LRMDA: variants seen among roughly 807,000 people sequenced by gnomAD.
LRMDA encodes the protein leucine-rich melanocyte differentiation-associated protein.
LRMDA carries 18 observed loss-of-function variants against 29.8 expected under a neutral mutation model. The ratio of observed to expected loss-of-function variants is 0.60; its 90% CI spans 0.42 to 0.90. LRMDA has a LOEUF of 0.90. Ranked by LOEUF, LRMDA falls within the 40% of genes least tolerant of loss-of-function variation. The probability of loss-of-function intolerance (pLI) is 0.00; values close to 1 mark genes in which losing one functional copy is unlikely to be tolerated. For synonymous variants in LRMDA, 125 were observed against 109.4 expected (o/e 1.14, Z -0.89); for missense variants, 273 against 273.9 (o/e 1.00, Z 0.02).
intron 6 of LRMDA, among the ~76,000 whole-genome samples, chr10:76,521,215 G>A (rs1192322426): frequency 6.7e-6 from 1 of 149,768 alleles, no homozygotes; most frequent in Non-Finnish European, 1.5e-5. Flanking sequence ...CTCACTGCAA[G>A]CTCCACCTCC....
intron 5 of LRMDA, among the ~76,000 whole-genome samples, chr10:76,173,114 C>A (rs1434811594): frequency 1.3e-5 from 2 of 151,878 alleles, no homozygotes; most frequent in African/African-American, 2.4e-5. Flanking sequence ...GTGAAAAATG[C>A]CATGTCTAGA....
At chr10:76,336,169 C>A (rs1056675710) in intron 6 of LRMDA, among the ~76,000 whole-genome samples, 1 of 151,410 alleles carries the variant, frequency 6.6e-6, no homozygotes, top group African/African-American at 2.4e-5. Context: ...TTGAGGTAGC[C>A]TGAAGGAAGT....
At chr10:75,720,060 G>C (rs1359969588) in intron 2 of LRMDA, among the ~76,000 whole-genome samples, 2 of 152,136 alleles carry the variant, frequency 1.3e-5, no homozygotes, top group African/African-American at 2.4e-5. Context: ...CAAACTTCTT[G>C]TGTTGTTTTC....
chr10:75,730,030 C>A (rs1348089882), intron 2 of LRMDA, among the ~76,000 whole-genome samples: 1 of 152,040 alleles, frequency 6.6e-6, no homozygotes, highest in Non-Finnish European at 1.5e-5. Context: ...GGATCCCCAA[C>A]CCCCACCTCC....
intron 6 of LRMDA, among the ~76,000 whole-genome samples, chr10:76,401,942 C>T (rs1310766536): frequency 6.6e-6 from 1 of 152,016 alleles, no homozygotes; most frequent in Non-Finnish European, 1.5e-5. Context: ...ACAGCTGTGG[C>T]AGCAGAGGTG....
intron 2 of LRMDA, among the ~76,000 whole-genome samples, chr10:75,697,208 A>G (rs556678652): frequency 1.2e-4 from 18 of 152,268 alleles, no homozygotes; most frequent in African/African-American, 3.8e-4. Flanking sequence ...GCCCCCTTTA[A>G]GAGTGTGAGG....
At chr10:75,562,379 G>C (rs9416070) in intron 2 of LRMDA, among the ~76,000 whole-genome samples, 90,613 of 151,218 alleles carry the variant, frequency 0.6, 30,729 homozygotes, top group East Asian at 0.85. Context: ...TTTTCCATTT[G>C]CTTGGTAGAT....
At chr10:75,703,071 A>G (rs1842327344) in intron 2 of LRMDA, among the ~76,000 whole-genome samples, 2 of 152,232 alleles carry the variant, frequency 1.3e-5, no homozygotes, top group Non-Finnish European at 2.9e-5. Context: ...ATGACAGATA[A>G]GCTCGGCTCT....
intron 2 of LRMDA, among the ~76,000 whole-genome samples, chr10:75,493,708 A>AC: frequency 6.6e-6 from 1 of 152,236 alleles, no homozygotes; most frequent in South Asian, 2.1e-4. Flanking sequence ...GTGTGGTGAG[A>AC]CATCCCCATG....
At chr10:75,467,051 A>G (rs531850736) in intron 2 of LRMDA, among the ~76,000 whole-genome samples, 2 of 152,252 alleles carry the variant, frequency 1.3e-5, no homozygotes, top group African/African-American at 4.8e-5. Context: ...ACTAACACCT[A>G]ATAGAGGAGA....
intron 2 of LRMDA, among the ~76,000 whole-genome samples, chr10:76,004,197 T>C (rs1847608170): frequency 6.6e-6 from 1 of 152,238 alleles, no homozygotes; most frequent in Non-Finnish European, 1.5e-5. Flanking sequence ...TTAAAATATA[T>C]AGGCATTTAC....
At chr10:75,737,843 C>T (rs1293708555) in intron 2 of LRMDA, among the ~76,000 whole-genome samples, 1 of 152,216 alleles carries the variant, frequency 6.6e-6, no homozygotes, top group Non-Finnish European at 1.5e-5. Flanking sequence ...CACTGCTGCA[C>T]TGGTGCCAAA....
chr10:76,472,655 G>A (rs1412680952), intron 6 of LRMDA, among the ~76,000 whole-genome samples: 1 of 151,584 alleles, frequency 6.6e-6, no homozygotes, highest in Admixed American at 6.6e-5. Flanking sequence ...TAGCTAGATT[G>A]ACCAAGAAGA....
chr10:76,041,573 C>T (rs1848339148), intron 3 of LRMDA, among the ~76,000 whole-genome samples: 1 of 152,154 alleles, frequency 6.6e-6, no homozygotes, highest in African/African-American at 2.4e-5. Flanking sequence ...GGAGGTTGCC[C>T]TTTAACCCGC....
At chr10:76,223,064 A>C (rs1851877365) in intron 5 of LRMDA, among the ~76,000 whole-genome samples, 1 of 151,964 alleles carries the variant, frequency 6.6e-6, no homozygotes, top group African/African-American at 2.4e-5. Context: ...GGAATTGAAC[A>C]ACGAGAACAC....
At chr10:75,628,105 CA>C (rs1171210946) in intron 2 of LRMDA, among the ~76,000 whole-genome samples, 1 of 152,146 alleles carries the variant, frequency 6.6e-6, no homozygotes, top group Non-Finnish European at 1.5e-5. Flanking sequence ...AATAAAACAT[CA>C]TCCATAATCA....
At chr10:75,898,544 A>G (rs1253852802) in intron 2 of LRMDA, among the ~76,000 whole-genome samples, 1 of 152,172 alleles carries the variant, frequency 6.6e-6, no homozygotes, top group African/African-American at 2.4e-5. Context: ...CTGCCGGGAA[A>G]GCAGGGAGAG....
At chr10:75,621,022 T>C (rs984011637) in intron 2 of LRMDA, among the ~76,000 whole-genome samples, 1 of 152,170 alleles carries the variant, frequency 6.6e-6, no homozygotes, top group African/African-American at 2.4e-5. Context: ...CAAAGTCTAA[T>C]GTATCATTCT....
At chr10:76,168,675 G>T (rs1850783248) in intron 5 of LRMDA, among the ~76,000 whole-genome samples, 1 of 152,190 alleles carries the variant, frequency 6.6e-6, no homozygotes, top group Non-Finnish European at 1.5e-5. Context: ...GATGAAAGGG[G>T]ATGATGAGTA....
Sources: allele counts gnomAD v4.1 joint callset (sites outside exome capture counted in the v4.1 genomes callset), GRCh38; gene constraint gnomAD v4.1.1; transcripts MANE v1.5; gene names NCBI Gene and HGNC (gene_info 2026-07-23, HGNC 2026-07-21).